The following NELL2 variants were observed in gnomAD, a reference collection of about 807,000 sequenced individuals.
The protein encoded by NELL2 is neural EGFL like 2, also known as protein kinase C-binding protein NELL2.
Under a neutral mutation model 109.6 loss-of-function variants are expected in NELL2, and 41 were observed. The ratio of observed to expected loss-of-function variants is 0.37; its 90% CI spans 0.29 to 0.49. The LOEUF (loss-of-function observed/expected upper bound fraction) is 0.49. Ranked by LOEUF, NELL2 falls within the 20% of genes least tolerant of loss-of-function variation. The probability of loss-of-function intolerance (pLI) is 0.98; values close to 1 mark genes in which losing one functional copy is unlikely to be tolerated. For synonymous variants in NELL2, 355 were observed against 344.7 expected, an observed-to-expected ratio of 1.03 and a Z score of -0.33; for missense variants, 900 against 1,008.3, an observed-to-expected ratio of 0.89 and a Z score of 1.45.
intron 9 of NELL2, among the ~76,000 whole-genome samples, chr12:44,717,311 A>G (rs1938541640): frequency 6.6e-6 from 1 of 152,164 alleles, no homozygotes; most frequent in Admixed American, 6.5e-5. Context: ...AGACTGAGAG[A>G]GTAACAGTCA....
intron 9 of NELL2, among the ~76,000 whole-genome samples, chr12:44,722,696 A>G (rs893675204): frequency 3.3e-5 from 5 of 152,222 alleles, no homozygotes; most frequent in African/African-American, 1.2e-4. Context: ...TCAGGAAAAG[A>G]GTACTCATAA....
chr12:44,628,034 G>C (rs185743600), intron 13 of NELL2, among the ~76,000 whole-genome samples: 66 of 152,180 alleles, frequency 4.3e-4, no homozygotes, highest in Admixed American at 4.2e-3. Flanking sequence ...TGAATAAATG[G>C]GTGAAGAGTT....
intron 15 of NELL2, among the ~76,000 whole-genome samples, chr12:44,598,881 ACACTCTCT>A (rs1225129129): frequency 6.7e-6 from 1 of 148,416 alleles, no homozygotes; most frequent in African/African-American, 2.5e-5. Flanking sequence ...ACACACACAC[ACACTCTCT>A]CTCTCTCTCT....
upstream of NELL2, among the ~76,000 whole-genome samples, chr12:44,878,981 T>C (rs1945381449): frequency 6.6e-6 from 1 of 152,162 alleles, no homozygotes; most frequent in African/African-American, 2.4e-5. Flanking sequence ...CAGGTAACCT[T>C]AAAATAGGAA....
At chr12:44,602,833 T>C (rs919814485) in intron 15 of NELL2, among the ~76,000 whole-genome samples, 2 of 152,186 alleles carry the variant, frequency 1.3e-5, no homozygotes, top group African/African-American at 4.8e-5. Flanking sequence ...CCTTTTATGA[T>C]GAAAAATGTG....
chr12:44,876,099 C>T lies in NELL2; in HGVS notation c.-230G>A. The T allele has an allele frequency of 7.5e-7, 1 of 1,341,068 alleles. No homozygotes were observed. The highest frequency in any genetic ancestry group is 9.5e-7 in the Non-Finnish European group (1 of 1,047,144). 83.1% of individuals were successfully genotyped at this position (1,341,068 alleles called of 1,614,324 possible). A position where few individuals can be genotyped will look rare whatever the true frequency, so the allele number is the denominator to read the frequency against. On this transcript the variant is annotated 5_prime_UTR_variant, in exon 1 of 20. Coordinates refer to ENST00000429094, the MANE Select transcript of NELL2 (RefSeq NM_001145108.2). Reference sequence around the variant, plus strand: ...GCGCACATCATTCCCACACGCAGGGCCGAGGCGGCAGCGCGGCCCGGAGGG... The same window carrying T: ...GCGCACATCATTCCCACACGCAGGGTCGAGGCGGCAGCGCGGCCCGGAGGG...
chr12:44,522,979 A>G (rs1941607607), intron 17 of NELL2: 2 of 310,320 alleles, frequency 6.4e-6, no homozygotes, highest in African/African-American at 4.3e-5. Context: ...AATCTCAAAA[A>G]CATAATGTTG....
At chr12:44,681,660 A>G (rs1948511429) in intron 12 of NELL2, among the ~76,000 whole-genome samples, 1 of 151,900 alleles carries the variant, frequency 6.6e-6, no homozygotes, top group African/African-American at 2.4e-5. Flanking sequence ...GGGTGAGAAT[A>G]TGCGGTGTTT....
chr12:44,840,082 T>G (rs1293829738), intron 2 of NELL2, among the ~76,000 whole-genome samples: 1 of 152,212 alleles, frequency 6.6e-6, no homozygotes, highest in African/African-American at 2.4e-5. Context: ...ACTCCCCATA[T>G]TTTTGCAGAT....
chr12:44,625,968 G>GAA (rs113259665), intron 13 of NELL2, among the ~76,000 whole-genome samples: 4,512 of 150,128 alleles, frequency 0.03, 200 homozygotes, highest in African/African-American at 0.1. Context: ...AAGGTAATTG[G>GAA]AAAAAAAAAT....
intron 2 of NELL2, among the ~76,000 whole-genome samples, chr12:44,837,907 A>C (rs1444755982): frequency 6.6e-6 from 1 of 152,210 alleles, no homozygotes; most frequent in East Asian, 1.9e-4. Flanking sequence ...ACACTGTGCC[A>C]GTTTTATTAT....
At chr12:44,885,995 T>C (rs1166683280) in intron 1 of NELL2, among the ~76,000 whole-genome samples, 7 of 151,692 alleles carry the variant, frequency 4.6e-5, no homozygotes, top group Non-Finnish European at 7.4e-5. Flanking sequence ...TAATGGTTAA[T>C]TGATTTTTTA....
chr12:44,727,702 C>T (rs7953273), intron 9 of NELL2, among the ~76,000 whole-genome samples: 33,106 of 151,884 alleles, frequency 0.22, 4,185 homozygotes, highest in African/African-American at 0.35. Context: ...TTTCAGATAA[C>T]TTTTCTCTTT....
intron 13 of NELL2, among the ~76,000 whole-genome samples, chr12:44,637,365 C>A (rs1946677389): frequency 6.6e-6 from 1 of 150,572 alleles, no homozygotes. Flanking sequence ...ATATGAGGCA[C>A]TATGCTACAC....
chr12:44,900,345 T>C (rs750554461), intron 1 of NELL2, among the ~76,000 whole-genome samples: 4 of 151,752 alleles, frequency 2.6e-5, no homozygotes, highest in Non-Finnish European at 5.9e-5. Flanking sequence ...ATTCTAAAAT[T>C]GACCACATAA....
intron 1 of NELL2, among the ~76,000 whole-genome samples, chr12:44,894,539 A>G (rs1035009800): frequency 2.6e-5 from 4 of 152,182 alleles, no homozygotes; most frequent in African/African-American, 7.2e-5. Context: ...ATTATCTTTC[A>G]AAAATTGAAA....
At chr12:44,817,623 C>G (rs1324430725) in intron 2 of NELL2, among the ~76,000 whole-genome samples, 1 of 152,102 alleles carries the variant, frequency 6.6e-6, no homozygotes, top group African/African-American at 2.4e-5. Flanking sequence ...TGTGAAAAAG[C>G]AGAGATACGA....
chr12:44,603,602 C>A (rs2060895), intron 15 of NELL2, among the ~76,000 whole-genome samples: 73,899 of 151,946 alleles, frequency 0.49, 19,020 homozygotes, highest in African/African-American at 0.66. Context: ...CTGATGGAAT[C>A]TTAGGATATT....
chr12:44,554,360 A>G (rs184142568), intron 15 of NELL2, among the ~76,000 whole-genome samples: 1 of 152,308 alleles, frequency 6.6e-6, no homozygotes, highest in African/African-American at 2.4e-5. Context: ...ACAATACAGT[A>G]CATACTATAT....
Sources: gnomAD v4.1 joint callset for allele counts (sites outside exome capture counted in the v4.1 genomes callset) on GRCh38, gnomAD v4.1.1 for gene constraint, MANE v1.5 for transcripts, NCBI Gene and HGNC (gene_info 2026-07-23, HGNC 2026-07-21) for gene names.